The following MCFD2 variants were observed in gnomAD, a reference collection of about 807,000 sequenced individuals.
MCFD2 encodes multiple coagulation factor deficiency protein 2.
MCFD2 carries 11 observed loss-of-function variants against 12.8 expected under a neutral mutation model. The observed-to-expected ratio is 0.86, with a 90% CI of 0.54 to 1.42. The LOEUF is 1.42. Among genes scored for constraint, MCFD2 ranks in the 40% most tolerant of loss-of-function variants. The probability of loss-of-function intolerance (pLI) is 0.00; values close to 1 mark genes in which losing one functional copy is unlikely to be tolerated. For synonymous variants in MCFD2, 70 were observed against 68.1 expected (o/e 1.03, Z -0.14); for missense variants, 191 against 178.6 (o/e 1.07, Z -0.40).
At chr2:46,906,475 ATTTTTTTTTTT>A (rs70940646) in intron 3 of MCFD2, among the ~76,000 whole-genome samples, 1,212 of 91,694 alleles carry the variant, frequency 0.013, 7 homozygotes, top group South Asian at 0.02. Flanking sequence ...AGGCACGAGG[ATTTTTTTTTTT>A]TTTTTTTTTT....
chr2:46,909,551 C>T (rs1002005961), intron 1 of MCFD2, among the ~76,000 whole-genome samples: 3 of 152,142 alleles, frequency 2.0e-5, no homozygotes, highest in Non-Finnish European at 4.4e-5. Flanking sequence ...TCAGAGAAAG[C>T]GAAAACCCTC....
At chr2:46,929,684 G>A (rs1221589373) in intron 1 of MCFD2, among the ~76,000 whole-genome samples, 1 of 152,044 alleles carries the variant, frequency 6.6e-6, no homozygotes, top group Non-Finnish European at 1.5e-5. Flanking sequence ...AAATAAGAAA[G>A]ATTGAAAATT....
Position 46,907,913 on chromosome 2 carries a change from G to A in MCFD2, c.206C>T (p.Pro69Leu). The A allele has an allele frequency of 6.2e-7, 1 of 1,614,210 alleles. No individual in the cohort carries two copies. The highest frequency in any genetic ancestry group is 8.5e-7 in the Non-Finnish European group (1 of 1,180,038). ...VINKPEAEMS[P>L]QELQLHYFKM... The stretch of plus-strand genomic sequence containing the variant: ...GAAGTAATGGAGCTGCAATTCTTGT[G>A]GCGACATCTCCGCCTCTGGTTTGTT... The change falls in exon 3 of 4, where the codon CCA becomes CTA. Residue 69 changes from proline to leucine, a missense_variant. By Grantham distance (98) the Pro-to-Leu change is moderately conservative (BLOSUM62 -3). Coordinates refer to ENST00000319466, the MANE Select transcript of MCFD2 (RefSeq NM_139279.6). The surrounding 1 kb of genome is among the most constrained non-coding windows in gnomAD (Gnocchi z 4.1).
chr2:46,924,242 A>T (rs1328956734), intron 1 of MCFD2, among the ~76,000 whole-genome samples: 1 of 151,776 alleles, frequency 6.6e-6, no homozygotes, highest in African/African-American at 2.4e-5. Flanking sequence ...GAACCAAAAA[A>T]AAAAAATCTC....
At chr2:46,928,459 T>TTAA in intron 1 of MCFD2, among the ~76,000 whole-genome samples, 1 of 81,976 alleles carries the variant, frequency 1.2e-5, no homozygotes. Flanking sequence ...AAAGGGAAAT[T>TTAA]AAAAAAAAAA....
chr2:46,925,007 T>A (rs1669313043), intron 1 of MCFD2, among the ~76,000 whole-genome samples: 1 of 152,292 alleles, frequency 6.6e-6, no homozygotes, highest in Admixed American at 6.5e-5. Flanking sequence ...GATACTGAAG[T>A]AACTAATCCT....
In MCFD2 at chr2:46,940,774, G is replaced by C. The variant is rs890340043; in HGVS notation, c.-8+798C>G. On this transcript the variant is annotated intron_variant, in intron 1 of 2. Transcript: ENST00000409147. This position sits in a 1 kb window ranked among gnomAD's most constrained non-coding sequence, Gnocchi z 4.7. Reference sequence around the variant, plus strand: ...GCCTGGGTCCTCGCGAGCATGCCTGGCCCGCATCGCAACAGGGCGGGGCGG... The same window carrying C: ...GCCTGGGTCCTCGCGAGCATGCCTGCCCCGCATCGCAACAGGGCGGGGCGG... 1.3e-4 allele frequency among the ~76,000 whole-genome samples: 20 copies of C among 152,222 alleles called. No individual in the cohort carries two copies. Among genetic ancestry groups the C allele is most frequent in the African/African-American group, 4.1e-4 (17 of 41,460 alleles).
chr2:46,932,805 G>A (rs1669778501), intron 1 of MCFD2, among the ~76,000 whole-genome samples: 1 of 150,900 alleles, frequency 6.6e-6, no homozygotes, highest in Non-Finnish European at 1.5e-5. Flanking sequence ...AGCAGCTGAG[G>A]CAGGAGGATC....
Position 46,907,681 on chromosome 2 carries a change from G to C in MCFD2, c.309+129C>G. ...CAAAGTGCTGGGATTACAGATGCGA[G>C]CCATCATGCCCAGTGGAGAAGCAGC... On this transcript the variant is annotated intron_variant, in intron 3 of 3. Transcript: ENST00000319466. This position sits in a 1 kb window ranked among gnomAD's most constrained non-coding sequence, Gnocchi z 4.1. 1 of 1,017,348 alleles carries C rather than the reference G, an allele frequency of 9.8e-7. No individual in the cohort carries two copies. The highest frequency in any genetic ancestry group is 1.5e-6 in the Non-Finnish European group (1 of 660,152). The allele number at this position is 1,017,348 out of a possible 1,614,324, so 63.0% of individuals were successfully genotyped here.
chr2:46,909,010 G>A lies in MCFD2; in HGVS notation c.149+13C>T, dbSNP rs1202080735. 6.2e-7 allele frequency: 1 copy of A among 1,614,026 alleles called. No individual in the cohort carries two copies. The highest frequency in any genetic ancestry group is 1.3e-5 in the African/African-American group (1 of 74,932). On this transcript the variant is annotated intron_variant, in intron 2 of 3. Coordinates refer to ENST00000319466, the MANE Select transcript of MCFD2 (RefSeq NM_139279.6). Reference sequence around the variant, plus strand: ...GGGAGGCCACTGGACCACAGCCCGGGCTGAATACGTACTCTTGGTCGTGCA... The same window carrying A: ...GGGAGGCCACTGGACCACAGCCCGGACTGAATACGTACTCTTGGTCGTGCA...
chr2:46,904,877 GTT>G lies in MCFD2; in HGVS notation c.*584_*585del. The G allele has an allele frequency of 1.1e-5, 2 of 183,414 alleles. No individual in the cohort carries two copies. Among genetic ancestry groups the G allele is most frequent in the East Asian group, 1.4e-4 (1 of 7,014 alleles). 11.4% of individuals were successfully genotyped at this position (183,414 alleles called of 1,614,324 possible). On this transcript the variant is annotated 3_prime_UTR_variant, in exon 4 of 4. Transcript: ENST00000319466. ...GAGGGGCCAGGGGTAGAATGATATG[GTT>G]TGGCTATGTCCCCACCCAAATCTCA...
intron 3 of MCFD2, chr2:46,906,865 A>G (rs6544936): frequency 0.68 from 103,792 of 152,028 alleles, 36,650 homozygotes; most frequent in African/African-American, 0.85. Flanking sequence ...CTGAGACAGG[A>G]TCTCGCTCTA....
chr2:46,915,175 T>G (rs975518952), intron 1 of MCFD2, among the ~76,000 whole-genome samples: 6 of 152,176 alleles, frequency 3.9e-5, no homozygotes, highest in African/African-American at 1.4e-4. Context: ...GGGATGGGAC[T>G]GGAGAATGAA....
rs938044979 is a variant in MCFD2 at position 46,940,429 on chromosome 2, C to A, written c.-8+1143G>T. ...CGGGCCCCTGTAAGAGGTCTCCCCC[C>A]AAGGGTGGACCTCGGCTGCCCCCGC... On this transcript the variant is annotated intron_variant, in intron 1 of 2. Coordinates refer to the MCFD2 transcript ENST00000409147. The surrounding 1 kb of genome is among the most constrained non-coding windows in gnomAD (Gnocchi z 4.7). 7.9e-5 allele frequency among the ~76,000 whole-genome samples: 12 copies of A among 152,274 alleles called. No individual in the cohort carries two copies. The highest frequency in any genetic ancestry group is 3.4e-3 in the Middle Eastern group (1 of 292).
chr2:46,905,182 G>C lies in MCFD2; in HGVS notation c.*281C>G. 2.4e-6 allele frequency: 1 copy of C among 416,616 alleles called. No homozygotes were observed. Among genetic ancestry groups the C allele is most frequent in the South Asian group, 2.3e-5 (1 of 44,074 alleles). The allele number at this position is 416,616 out of a possible 1,614,324, so 25.8% of individuals were successfully genotyped here. A position where few individuals can be genotyped will look rare whatever the true frequency, so the allele number is the denominator to read the frequency against. On this transcript the variant is annotated 3_prime_UTR_variant, in exon 4 of 4. Coordinates refer to ENST00000319466, the MANE Select transcript of MCFD2 (RefSeq NM_139279.6). ...AAACCTCTTTTTCTTCCCAGTCTCG[G>C]GTACGTCTTTATCAGCAGCATTAAT...
At chr2:46,926,019 G>C (rs943693632) in intron 1 of MCFD2, among the ~76,000 whole-genome samples, 3 of 152,146 alleles carry the variant, frequency 2.0e-5, no homozygotes, top group Admixed American at 6.5e-5. Context: ...GGTAATATCT[G>C]CTCATTCTCA....
chr2:46,917,420 C>T, upstream of MCFD2: 2 of 564,928 alleles, frequency 3.5e-6, no homozygotes, highest in Admixed American at 3.5e-5. Flanking sequence ...ATTCATCCAT[C>T]TCTTCATCCA....
upstream of MCFD2, among the ~76,000 whole-genome samples, chr2:46,918,462 A>G (rs963912849): frequency 4.6e-5 from 7 of 152,232 alleles, no homozygotes; most frequent in Admixed American, 2.0e-4. Context: ...ACTGTAGTCC[A>G]TAAGTGAGAA....
Position 46,908,583 on chromosome 2 carries a change from G to A in MCFD2, c.149+440C>T, listed in dbSNP as rs1216906563. 1.0e-4 allele frequency: 31 copies of A among 297,666 alleles called. 1 individual carries two copies. The highest frequency in any genetic ancestry group is 9.1e-4 in the South Asian group (29 of 31,982). The allele number at this position is 297,666 out of a possible 1,614,324, so 18.4% of individuals were successfully genotyped here. A position where few individuals can be genotyped will look rare whatever the true frequency, so the allele number is the denominator to read the frequency against. The stretch of plus-strand genomic sequence containing the variant: ...CCAGCCTTAAAAACAAAGGATAACC[G>A]AGTATAATGCGTGAGGCTAACTGGC... On this transcript the variant is annotated intron_variant, in intron 2 of 3. Coordinates refer to ENST00000319466, the MANE Select transcript of MCFD2 (RefSeq NM_139279.6). This position sits in a 1 kb window ranked among gnomAD's most constrained non-coding sequence, Gnocchi z 4.5.
Sources: gnomAD v4.1 joint callset for allele counts (sites outside exome capture counted in the v4.1 genomes callset) on GRCh38, gnomAD v4.1.1 for gene constraint, Gnocchi (gnomAD v3.1) non-coding constraint, MANE v1.5 for transcripts, NCBI Gene and HGNC (gene_info 2026-07-23, HGNC 2026-07-21) for gene names.